Variants in ZNF345 observed in about 807,000 individuals in gnomAD.
ZNF345 encodes zinc finger protein HZF10.
For missense variants in ZNF345, 527 were observed against 589.9 expected (o/e 0.89, Z 1.10); for synonymous variants, 166 against 187.9 (o/e 0.88, Z 0.95).
rs1484655069 is a variant in ZNF345 at position 36,877,806 on chromosome 19, G to A, written c.976G>A (p.Gly326Ser). Residue 326 changes from glycine to serine, a missense_variant, in exon 3 of 3, where the codon GGT becomes AGT. Physicochemically the swap from Gly to Ser is moderately conservative, Grantham distance 56. Transcript: ENST00000420450. The stretch of plus-strand genomic sequence containing the variant: ...GGAGTGTGAGAAAGCCTTTAGAAGT[G>A]GTTCAAAACTTATTCAGCATCAAAG... ...CKECEKAFRS[G>S]SKLIQHQRMH... The A allele has an allele frequency of 9.9e-6, 16 of 1,613,736 alleles. No homozygotes were observed. In the South Asian group the frequency reaches 1.5e-4, roughly 16 times the overall value.
Position 36,877,281 on chromosome 19 carries a change from T to C in ZNF345, c.451T>C (p.Cys151Arg). 3 of 1,614,036 alleles carry C rather than the reference T, an allele frequency of 1.9e-6. No homozygotes were observed. Among genetic ancestry groups the C allele is most frequent in the Non-Finnish European group, 2.5e-6 (3 of 1,180,000 alleles). The change falls in exon 3 of 3, where the codon TGT (cysteine) becomes CGT (arginine). Residue 151 changes from cysteine (C) to arginine (R), a missense_variant. By Grantham distance (180) the Cys-to-Arg change is radical. Coordinates refer to ENST00000420450, the MANE Select transcript of ZNF345 (RefSeq NM_001242472.2). The part of the protein sequence containing the change: ...TGEKPYECKE[C>R]GKAFSFGSGL... Reference sequence around the variant, plus strand: ...TGAGAAACCCTATGAGTGTAAGGAATGTGGGAAAGCCTTTAGTTTTGGATC... The same window carrying C: ...TGAGAAACCCTATGAGTGTAAGGAACGTGGGAAAGCCTTTAGTTTTGGATC...
chr19:36,885,356 G>A (rs1013271539), intron 3 of ZNF345, among the ~76,000 whole-genome samples: 3 of 151,314 alleles, frequency 2.0e-5, no homozygotes, highest in South Asian at 2.1e-4. Flanking sequence ...AATGCGTATC[G>A]TGTCTTTTCC....
rs2072953240 is a variant in ZNF345 at position 36,879,398 on chromosome 19, T to C, written c.*1101T>C. On this transcript the variant is annotated 3_prime_UTR_variant, in exon 3 of 3. Transcript: ENST00000420450. ...TGTCAAACTTTTGGAGCAAATCCTT[T>C]AATACTATCTCTCATTGTTTTGGAA... 6.0e-6 allele frequency: 1 copy of C among 167,076 alleles called. No individual in the cohort carries two copies. The highest frequency in any genetic ancestry group is 2.4e-5 in the African/African-American group (1 of 41,464). The allele number at this position is 167,076 out of a possible 1,614,324, so 10.3% of individuals were successfully genotyped here.
chr19:36,881,327 T>C (rs1420849349), downstream of ZNF345, among the ~76,000 whole-genome samples: 1 of 152,196 alleles, frequency 6.6e-6, no homozygotes, highest in Non-Finnish European at 1.5e-5. Context: ...CCCAAGCATT[T>C]TGAGGGATAC....
intron 3 of ZNF345, chr19:36,890,220 A>T (rs1376462286): frequency 6.6e-6 from 1 of 152,186 alleles, no homozygotes; most frequent in African/African-American, 2.4e-5. Context: ...TGCACAGAAG[A>T]GAAGAGTATA....
At chr19:36,854,045 T>C (rs995078132) in intron 2 of ZNF345, among the ~76,000 whole-genome samples, 2 of 152,174 alleles carry the variant, frequency 1.3e-5, no homozygotes, top group African/African-American at 4.8e-5. Context: ...ACTCTTCTAA[T>C]AACATGAGCC....
chr19:36,892,158 G>C (rs2073061020), intron 3 of ZNF345: 1 of 1,613,986 alleles, frequency 6.2e-7, no homozygotes, highest in African/African-American at 1.3e-5. Flanking sequence ...TACATTCATA[G>C]GGTTTTTTAC....
chr19:36,873,793 T>A (rs1158657587), intron 2 of ZNF345, among the ~76,000 whole-genome samples: 1 of 152,158 alleles, frequency 6.6e-6, no homozygotes, highest in Non-Finnish European at 1.5e-5. Flanking sequence ...CATGTCTGTT[T>A]TGTCAAATGG....
chr19:36,885,888 T>TTA (rs1019886711), intron 3 of ZNF345, among the ~76,000 whole-genome samples: 6 of 152,130 alleles, frequency 3.9e-5, no homozygotes, highest in African/African-American at 1.4e-4. Flanking sequence ...TTCCCCCCAG[T>TTA]TATATTCCAA....
chr19:36,882,020 T>G (rs1401119277), downstream of ZNF345, among the ~76,000 whole-genome samples: 1 of 151,470 alleles, frequency 6.6e-6, no homozygotes, highest in Non-Finnish European at 1.5e-5. Context: ...TTCCTCTAAA[T>G]TGATTTGAAG....
At chr19:36,885,895 C>A (rs2072993399) in intron 3 of ZNF345, among the ~76,000 whole-genome samples, 1 of 152,218 alleles carries the variant, frequency 6.6e-6, no homozygotes, top group Non-Finnish European at 1.5e-5. Context: ...CAGTTATATT[C>A]CAATTCTACC....
intron 3 of ZNF345, chr19:36,892,777 T>A (rs1210234639): frequency 2.1e-6 from 1 of 474,408 alleles, no homozygotes; most frequent in Non-Finnish European, 3.4e-6. Context: ...TATAGAGAGA[T>A]TCTAATTAAA....
At chr19:36,866,598 A>G (rs557043203) in intron 2 of ZNF345, among the ~76,000 whole-genome samples, 39 of 152,256 alleles carry the variant, frequency 2.6e-4, no homozygotes, top group African/African-American at 8.7e-4. Flanking sequence ...TGCCCACGCT[A>G]GAGTGTAATG....
At chr19:36,866,852 A>T (rs1298945827) in intron 2 of ZNF345, among the ~76,000 whole-genome samples, 1 of 152,186 alleles carries the variant, frequency 6.6e-6, no homozygotes, top group East Asian at 1.9e-4. Flanking sequence ...CACCTGGCCC[A>T]TGTTGAATAG....
downstream of ZNF345, chr19:36,893,179 T>C (rs924089200): frequency 3.8e-5 from 15 of 393,008 alleles, no homozygotes; most frequent in Non-Finnish European, 6.7e-5. Context: ...TACTGGCAAA[T>C]CACCAGCCTC....
At chr19:36,893,101 A>T, downstream of ZNF345, 1 of 397,870 alleles carries the variant, frequency 2.5e-6, no homozygotes. Flanking sequence ...AGGACTGTTA[A>T]GAATAACAAA....
downstream of ZNF345, among the ~76,000 whole-genome samples, chr19:36,882,979 T>C (rs1038659419): frequency 2.0e-5 from 3 of 152,070 alleles, no homozygotes; most frequent in Non-Finnish European, 4.4e-5. Flanking sequence ...AATATAGGGG[T>C]TTTACTTTTT....
chr19:36,856,147 A>G (rs1042803170), intron 2 of ZNF345, among the ~76,000 whole-genome samples: 9 of 152,210 alleles, frequency 5.9e-5, no homozygotes, highest in African/African-American at 2.2e-4. Flanking sequence ...GGACCTCTAT[A>G]TCAATTACAG....
chr19:36,858,385 C>G (rs10426870), intron 2 of ZNF345: 3 of 152,276 alleles, frequency 2.0e-5, no homozygotes, highest in African/African-American at 7.3e-5. Flanking sequence ...CAATTGAGAA[C>G]TGGTGACTTC....
Sources: gnomAD v4.1 joint callset for allele counts (sites outside exome capture counted in the v4.1 genomes callset) on GRCh38, gnomAD v4.1.1 for gene constraint, MANE v1.5 for transcripts, NCBI Gene and HGNC (gene_info 2026-07-23, HGNC 2026-07-21) for gene names.